NCOA1: variants seen among roughly 807,000 people sequenced by gnomAD.
NCOA1 encodes Hin-2 protein.
A neutral mutation model predicts 150.9 loss-of-function variants in NCOA1; 35 were observed. That is an observed-to-expected ratio of 0.23 (90% CI 0.18 to 0.31). NCOA1 has a LOEUF of 0.31. Ranked by LOEUF, NCOA1 falls within the 10% of genes least tolerant of loss-of-function variation. The pLI is 1.00. For missense variants in NCOA1, 1,491 were observed against 1,749.3 expected, an observed-to-expected ratio of 0.85 and a Z score of 2.63; for synonymous variants, 590 against 630.0, an observed-to-expected ratio of 0.94 and a Z score of 0.95.
chr2:24,751,535 A>G (rs1194891875), intron 19 of NCOA1, among the ~76,000 whole-genome samples: 1 of 151,264 alleles, frequency 6.6e-6, no homozygotes, highest in East Asian at 2.0e-4. Flanking sequence ...GTGAGCCAAG[A>G]TCGCACCACT....
At chr2:24,653,908 T>C (rs1297188257) in intron 4 of NCOA1, among the ~76,000 whole-genome samples, 1 of 152,232 alleles carries the variant, frequency 6.6e-6, no homozygotes, top group Non-Finnish European at 1.5e-5. Flanking sequence ...CAGCATTTTC[T>C]TCTCTCTTTT....
intron 16 of NCOA1, among the ~76,000 whole-genome samples, chr2:24,728,943 T>C (rs1662849623): frequency 6.6e-6 from 1 of 152,258 alleles, no homozygotes; most frequent in South Asian, 2.1e-4. Context: ...AGAAGTCATG[T>C]TTTGTGAAAC....
intron 14 of NCOA1, among the ~76,000 whole-genome samples, chr2:24,717,081 A>C (rs949040178): frequency 1.3e-5 from 2 of 152,226 alleles, no homozygotes; most frequent in East Asian, 3.8e-4. Flanking sequence ...CTCATATGTC[A>C]TTAGAAAATT....
intron 2 of NCOA1, among the ~76,000 whole-genome samples, chr2:24,576,359 T>C (rs1393368744): frequency 6.6e-6 from 1 of 151,964 alleles, no homozygotes; most frequent in East Asian, 1.9e-4. Context: ...TTGGCCCCAC[T>C]AAGTGTCAAT....
chr2:24,687,761 CAT>C (rs779436754), intron 8 of NCOA1, among the ~76,000 whole-genome samples: 6 of 152,180 alleles, frequency 3.9e-5, no homozygotes, highest in African/African-American at 9.7e-5. Flanking sequence ...TCCCTCAACA[CAT>C]GTGGATTACA....
At chr2:24,607,583 C>T (rs12988564) in intron 3 of NCOA1, among the ~76,000 whole-genome samples, 76,362 of 151,346 alleles carry the variant, frequency 0.5, 21,027 homozygotes, top group Admixed American at 0.67. Flanking sequence ...CCAGCTACTC[C>T]GGAGGCTGAG....
At chr2:24,733,589 CA>C (rs768240264) in intron 17 of NCOA1, among the ~76,000 whole-genome samples, 2 of 151,930 alleles carry the variant, frequency 1.3e-5, no homozygotes, top group Non-Finnish European at 2.9e-5. Flanking sequence ...ACTAAAAATA[CA>C]AAAGTTAGCT....
intron 8 of NCOA1, among the ~76,000 whole-genome samples, chr2:24,690,651 C>CAAAAAAAAAAAAAA (rs70947837): frequency 2.6e-4 from 10 of 38,444 alleles, no homozygotes; most frequent in Admixed American, 8.0e-4. Flanking sequence ...GATTCCATCT[C>CAAAAAAAAAAAAAA]AAAAAAAAAA....
At chr2:24,565,132 C>A (rs1666445417) in intron 2 of NCOA1, among the ~76,000 whole-genome samples, 1 of 152,178 alleles carries the variant, frequency 6.6e-6, no homozygotes, top group Non-Finnish European at 1.5e-5. Context: ...TCAGGTGACA[C>A]TTCCAAAACA....
intron 10 of NCOA1, among the ~76,000 whole-genome samples, chr2:24,696,344 G>A (rs1325809436): frequency 6.6e-6 from 1 of 152,148 alleles, no homozygotes; most frequent in Non-Finnish European, 1.5e-5. Context: ...TGAAGAAGGG[G>A]AAGATGGGGA....
In NCOA1 at chr2:24,706,953, T is replaced by C; in HGVS notation, c.1483T>C (p.Ser495Pro). The C allele has an allele frequency of 6.2e-7, 1 of 1,614,186 alleles. No individual in the cohort carries two copies. Among genetic ancestry groups the C allele is most frequent in the South Asian group, 1.1e-5 (1 of 91,084 alleles). ...QFMSPRRQVT[S>P]GLATRPRMPN... ...CATGTCTCCAAGGAGACAGGTTACT[T>C]CTGGATTGGCAACAAGGCCCAGGAT... is the stretch of plus-strand genomic sequence containing the variant. The change falls in exon 13 of 23, where the codon TCT (serine) becomes CCT (proline). Residue 495 changes from serine to proline, a missense_variant. Around this residue, in one of 8 missense-constraint regions of NCOA1, gnomAD observed 703 missense variants for 717.7 expected, o/e 0.98. Transcript: ENST00000348332.
At chr2:24,726,239 C>A (rs1293195053) in intron 14 of NCOA1, among the ~76,000 whole-genome samples, 1 of 152,020 alleles carries the variant, frequency 6.6e-6, no homozygotes, top group African/African-American at 2.4e-5. Flanking sequence ...CACTGTGTTA[C>A]TTATAGCATA....
chr2:24,537,656 C>G (rs1665216988), intron 1 of NCOA1, among the ~76,000 whole-genome samples: 1 of 151,956 alleles, frequency 6.6e-6, no homozygotes, highest in Non-Finnish European at 1.5e-5. Context: ...GTTTAGATAT[C>G]TGATGAACAA....
At chr2:24,735,636 A>G (rs774488771) in intron 17 of NCOA1, among the ~76,000 whole-genome samples, 9 of 152,138 alleles carry the variant, frequency 5.9e-5, no homozygotes, top group Non-Finnish European at 1.3e-4. Flanking sequence ...AACATTTTAA[A>G]TTCAATTACA....
intron 1 of NCOA1, among the ~76,000 whole-genome samples, chr2:24,503,948 T>C (rs1163464452): frequency 6.6e-6 from 1 of 152,132 alleles, no homozygotes; most frequent in African/African-American, 2.4e-5. Context: ...TTGGCCAGGC[T>C]GGTCTTGAAC....
intron 3 of NCOA1, among the ~76,000 whole-genome samples, chr2:24,611,848 A>G (rs1050223160): frequency 6.6e-6 from 1 of 152,008 alleles, no homozygotes; most frequent in African/African-American, 2.4e-5. Flanking sequence ...CAACAGATAG[A>G]TGAGTCTTTT....
chr2:24,699,417 T>A (rs1673048778), intron 11 of NCOA1, among the ~76,000 whole-genome samples: 1 of 152,174 alleles, frequency 6.6e-6, no homozygotes, highest in Non-Finnish European at 1.5e-5. Flanking sequence ...CCCCATACAA[T>A]GAATTGATTA....
chr2:24,513,486 GT>G (rs1664023478), intron 1 of NCOA1, among the ~76,000 whole-genome samples: 1 of 151,602 alleles, frequency 6.6e-6, no homozygotes, highest in African/African-American at 2.4e-5. Flanking sequence ...TGGTTATTAG[GT>G]AATTTCCATG....
At chr2:24,651,183 C>T (rs977264259) in intron 4 of NCOA1, among the ~76,000 whole-genome samples, 1 of 151,972 alleles carries the variant, frequency 6.6e-6, no homozygotes, top group Non-Finnish European at 1.5e-5. Context: ...TAACATATGA[C>T]CCAGCAATAC....
Sources: gnomAD v4.1 joint callset for allele counts (sites outside exome capture counted in the v4.1 genomes callset) on GRCh38, gnomAD v4.1.1 for gene constraint, gnomAD v4.1.1 regional missense constraint, MANE v1.5 for transcripts, NCBI Gene and HGNC (gene_info 2026-07-23, HGNC 2026-07-21) for gene names.